MSR1: variants seen among roughly 807,000 people sequenced by gnomAD.
MSR1 encodes macrophage scavenger receptor types I and II.
Under a neutral mutation model 47.2 loss-of-function variants are expected in MSR1, and 53 were observed. That is an observed-to-expected ratio of 1.12 (90% CI 0.90 to 1.41). The LOEUF (loss-of-function observed/expected upper bound fraction) is 1.41, where lower values mean the gene tolerates loss of function less well. MSR1 is among the 40% of genes most tolerant of loss of function. The pLI is 0.00. For missense variants in MSR1, 786 were observed against 546.9 expected, an observed-to-expected ratio of 1.44 and a Z score of -4.36; for synonymous variants, 239 against 185.6, an observed-to-expected ratio of 1.29 and a Z score of -2.34.
intron 5 of MSR1, among the ~76,000 whole-genome samples, chr8:16,162,825 C>T (rs1329550080): frequency 4.0e-5 from 6 of 151,868 alleles, no homozygotes; most frequent in Non-Finnish European, 5.9e-5. Context: ...AGATTTATAG[C>T]TTATCTTCTT....
chr8:16,120,348 G>C, intron 9 of MSR1, 70 bp downstream of exon 9: 2 of 1,552,396 alleles, frequency 1.3e-6, no homozygotes, highest in Non-Finnish European at 1.8e-6. Flanking sequence ...CTGCACTCCA[G>C]TCTGGGCGAC....
chr8:16,162,605 CA>C (rs1801192790), intron 5 of MSR1, among the ~76,000 whole-genome samples: 1 of 151,890 alleles, frequency 6.6e-6, no homozygotes, highest in Admixed American at 6.6e-5. Context: ...AAATACGTTG[CA>C]AGGAGGCAAT....
At chr8:16,157,478 T>C (rs1465112915) in intron 5 of MSR1, among the ~76,000 whole-genome samples, 2 of 151,848 alleles carry the variant, frequency 1.3e-5, no homozygotes, top group African/African-American at 4.8e-5. Flanking sequence ...TTTGTTAGAG[T>C]TCTAACTAGG....
intron 8 of MSR1, among the ~76,000 whole-genome samples, chr8:16,123,584 ATGTG>A (rs36022730): frequency 1.5e-4 from 22 of 148,376 alleles, no homozygotes; most frequent in East Asian, 2.1e-4. Flanking sequence ...AGACATGTAT[ATGTG>A]TGTGTGTGTG....
intron 8 of MSR1, among the ~76,000 whole-genome samples, chr8:16,122,307 G>T (rs867726888): frequency 1.3e-5 from 2 of 152,048 alleles, no homozygotes; most frequent in South Asian, 2.1e-4. Context: ...AAAAATCCAA[G>T]AATGGATTGT....
At chr8:16,155,509 G>A (rs34152954) in intron 5 of MSR1, among the ~76,000 whole-genome samples, 6,082 of 152,018 alleles carry the variant, frequency 0.04, 425 homozygotes, top group African/African-American at 0.14. Context: ...ATATAATACA[G>A]AATTAGCTAC....
intron 8 of MSR1, among the ~76,000 whole-genome samples, chr8:16,134,985 G>A (rs898154844): frequency 3.3e-5 from 5 of 152,118 alleles, no homozygotes; most frequent in African/African-American, 9.7e-5. Flanking sequence ...AGAAAAGTTG[G>A]AAGCTAGCAG....
intron 3 of MSR1, among the ~76,000 whole-genome samples, chr8:16,172,366 G>T (rs186908418): frequency 6.6e-6 from 1 of 152,120 alleles, no homozygotes; most frequent in African/African-American, 2.4e-5. Flanking sequence ...CAAATTGCCT[G>T]TTTCATCGAA....
chr8:16,175,139 T>C (rs1801604209), intron 3 of MSR1, 48 bp downstream of exon 3: 1 of 1,481,114 alleles, frequency 6.8e-7, no homozygotes, highest in South Asian at 1.1e-5. Flanking sequence ...TGGCAATGAA[T>C]AATTCACGGG....
chr8:16,178,347 A>G (rs1801722246), intron 1 of MSR1, among the ~76,000 whole-genome samples: 1 of 149,930 alleles, frequency 6.7e-6, no homozygotes, highest in African/African-American at 2.5e-5. Flanking sequence ...GAGTGAGAAC[A>G]TGCGGTGTTT....
At chr8:16,144,177 C>G (rs987353977) in intron 7 of MSR1, among the ~76,000 whole-genome samples, 9 of 151,992 alleles carry the variant, frequency 5.9e-5, no homozygotes, top group African/African-American at 1.9e-4. Flanking sequence ...GGGTGTGGTA[C>G]AAATATTTCA....
intron 1 of MSR1, among the ~76,000 whole-genome samples, chr8:16,191,095 A>G (rs1802188297): frequency 6.6e-6 from 1 of 152,236 alleles, no homozygotes; most frequent in Non-Finnish European, 1.5e-5. Flanking sequence ...CTTATTATAT[A>G]AAATAATAAC....
At position 16,185,863 on chromosome 8, in the gene MSR1, A is replaced by T. The variant is rs1247745710; in HGVS notation, c.-5+6735T>A. 3.3e-5 allele frequency among the ~76,000 whole-genome samples: 5 copies of T among 151,060 alleles called. 1 individual carries two copies. The highest frequency in any genetic ancestry group is 1.2e-4 in the African/African-American group (5 of 41,048). On this transcript the variant is annotated intron_variant, in intron 1 of 9. Coordinates refer to ENST00000262101, the MANE Select transcript of MSR1 (RefSeq NM_138715.3). ...TTTTTCAGGAAAAAAAAAAAAAAAC[A>T]CCACACACATAAACTTGAAAAACAT...
intron 8 of MSR1, among the ~76,000 whole-genome samples, chr8:16,141,639 T>A (rs1800559357): frequency 6.6e-6 from 1 of 152,122 alleles, no homozygotes; most frequent in African/African-American, 2.4e-5. Context: ...TGGTGGAGAA[T>A]GCAGAGGCTG....
intron 8 of MSR1, among the ~76,000 whole-genome samples, chr8:16,132,412 T>C (rs1336673194): frequency 6.6e-6 from 1 of 152,162 alleles, no homozygotes; most frequent in East Asian, 1.9e-4. Flanking sequence ...GTTTTCTAGA[T>C]ATAGAATCAT....
intron 5 of MSR1, among the ~76,000 whole-genome samples, chr8:16,163,529 T>C (rs1801219057): frequency 6.6e-6 from 1 of 151,232 alleles, no homozygotes; most frequent in African/African-American, 2.4e-5. Flanking sequence ...AAGCTAAAAC[T>C]GAAAGCCTAT....
At chr8:16,169,413 G>C (rs1294844846) in intron 3 of MSR1, among the ~76,000 whole-genome samples, 2 of 152,162 alleles carry the variant, frequency 1.3e-5, no homozygotes, top group Non-Finnish European at 2.9e-5. Context: ...GTCATTTTCA[G>C]TTAATACAGA....
At chr8:16,162,317 C>G (rs1222368997) in intron 5 of MSR1, among the ~76,000 whole-genome samples, 3 of 151,860 alleles carry the variant, frequency 2.0e-5, no homozygotes, top group Non-Finnish European at 2.9e-5. Flanking sequence ...TTTCAAAGAT[C>G]AAGTCAAAAT....
chr8:16,164,550 T>A (rs1300419758), intron 4 of MSR1, among the ~76,000 whole-genome samples: 1 of 151,932 alleles, frequency 6.6e-6, no homozygotes. Context: ...AACAATAAAA[T>A]TAAATAAACA....
Sources: allele counts gnomAD v4.1 joint callset (sites outside exome capture counted in the v4.1 genomes callset), GRCh38; gene constraint gnomAD v4.1.1; transcripts MANE v1.5; gene names NCBI Gene and HGNC (gene_info 2026-07-23, HGNC 2026-07-21).